The following NNT variants were observed in gnomAD, a reference collection of about 807,000 sequenced individuals.
The protein encoded by NNT is nicotinamide nucleotide transhydrogenase.
In NNT, 50 loss-of-function variants were observed where a neutral mutation model predicts 104.8. The observed-to-expected ratio is 0.48, with a 90% CI of 0.38 to 0.60. The LOEUF (loss-of-function observed/expected upper bound fraction) is 0.60. NNT is among the 20% of genes least tolerant of loss of function. The pLI, the probability that NNT is intolerant of heterozygous loss-of-function variation, is 0.00. For missense variants in NNT, 1,131 were observed against 1,330.7 expected (o/e 0.85, Z 2.33); for synonymous variants, 461 against 490.4 (o/e 0.94, Z 0.79).
At chr5:43,704,158 G>A in intron 21 of NNT, 97 bp from the exon 22 acceptor site, 1 of 1,034,782 alleles carries the variant, frequency 9.7e-7, no homozygotes, top group East Asian at 2.7e-5. Context: ...AGTGGTACAT[G>A]CCTTGTTCAA....
intron 5 of NNT, among the ~76,000 whole-genome samples, chr5:43,620,723 G>A (rs1286614422): frequency 2.6e-5 from 4 of 152,300 alleles, no homozygotes; most frequent in Admixed American, 6.5e-5. Flanking sequence ...CAACACAGAC[G>A]TGAGATGTAA....
intron 4 of NNT, among the ~76,000 whole-genome samples, chr5:43,617,915 G>A (rs1485963388): frequency 6.6e-6 from 1 of 152,018 alleles, no homozygotes; most frequent in Non-Finnish European, 1.5e-5. Flanking sequence ...ATATGTTTTT[G>A]CATCAATTAT....
At chr5:43,690,926 A>C (rs1580121843) in intron 19 of NNT, among the ~76,000 whole-genome samples, 1 of 152,286 alleles carries the variant, frequency 6.6e-6, no homozygotes, top group South Asian at 2.1e-4. Flanking sequence ...TTTAGTAAAA[A>C]AGATTTTAAA....
intron 7 of NNT, among the ~76,000 whole-genome samples, chr5:43,631,535 T>C (rs1750677520): frequency 6.6e-6 from 1 of 152,128 alleles, no homozygotes; most frequent in African/African-American, 2.4e-5. Flanking sequence ...GCTAAAACAT[T>C]TACTCATGGA....
chr5:43,653,326 A>G, intron 14 of NNT, 113 bp downstream of exon 14: 1 of 1,032,636 alleles, frequency 9.7e-7, no homozygotes, highest in African/African-American at 1.6e-5. Context: ...GCTTCAGTTA[A>G]TATTATTTTG....
intron 19 of NNT, among the ~76,000 whole-genome samples, chr5:43,684,181 G>A (rs1741863711): frequency 6.7e-6 from 1 of 150,276 alleles, no homozygotes. Context: ...TAGAAAAATT[G>A]TTCCCCTGAG....
intron 19 of NNT, among the ~76,000 whole-genome samples, chr5:43,695,760 T>C (rs1742524822): frequency 6.6e-6 from 1 of 152,168 alleles, no homozygotes. Flanking sequence ...TGGGAAGGCC[T>C]CACAATCAAT....
At chr5:43,648,813 T>C (rs571121854) in intron 10 of NNT, among the ~76,000 whole-genome samples, 3 of 152,326 alleles carry the variant, frequency 2.0e-5, no homozygotes, top group South Asian at 2.1e-4. Context: ...AAAATGCTTA[T>C]ATAAACACAT....
At chr5:43,635,934 AT>A (rs1230417110) in intron 7 of NNT, among the ~76,000 whole-genome samples, 2 of 152,162 alleles carry the variant, frequency 1.3e-5, no homozygotes, top group East Asian at 3.9e-4. Context: ...CCCATAACAA[AT>A]GTAGATTTTT....
intron 4 of NNT, among the ~76,000 whole-genome samples, chr5:43,616,672 G>C (rs1007970925): frequency 3.3e-5 from 5 of 152,118 alleles, no homozygotes; most frequent in Non-Finnish European, 7.3e-5. Flanking sequence ...TGATTGCCTG[G>C]AGTACTATGT....
At chr5:43,678,569 A>T (rs1741543949) in intron 19 of NNT, among the ~76,000 whole-genome samples, 1 of 152,220 alleles carries the variant, frequency 6.6e-6, no homozygotes, top group Admixed American at 6.5e-5. Flanking sequence ...CAAGCGAAGC[A>T]TTTTAACTAC....
At chr5:43,651,987 C>A in intron 13 of NNT, 103 bp downstream of exon 13, 2 of 1,230,672 alleles carry the variant, frequency 1.6e-6, no homozygotes, top group South Asian at 1.5e-5. Flanking sequence ...GCAAATACAA[C>A]TCTGTCAAGC....
intron 6 of NNT, among the ~76,000 whole-genome samples, chr5:43,626,027 T>G (rs1750342675): frequency 6.6e-6 from 1 of 152,134 alleles, no homozygotes; most frequent in South Asian, 2.1e-4. Context: ...GTACAGCAAT[T>G]TATTTAACTA....
intron 18 of NNT, among the ~76,000 whole-genome samples, chr5:43,677,137 C>T (rs1741455482): frequency 6.6e-6 from 1 of 151,904 alleles, no homozygotes; most frequent in Non-Finnish European, 1.5e-5. Context: ...GGGACAAGAG[C>T]CATGTTATAC....
chr5:43,638,438 G>T (rs2111778938), intron 7 of NNT, among the ~76,000 whole-genome samples: 1 of 152,162 alleles, frequency 6.6e-6, no homozygotes, highest in South Asian at 2.1e-4. Context: ...TTATAATGAA[G>T]GTTCTTACTG....
intron 11 of NNT, 85 bp from the exon 12 acceptor site, chr5:43,650,392 T>C (rs1454872446): frequency 1.1e-6 from 1 of 919,178 alleles, no homozygotes; most frequent in African/African-American, 1.6e-5. Flanking sequence ...CCTCTATGAA[T>C]CTATGTATGT....
intron 20 of NNT, among the ~76,000 whole-genome samples, chr5:43,700,516 C>A (rs1360215748): frequency 6.6e-6 from 1 of 152,146 alleles, no homozygotes; most frequent in Admixed American, 6.5e-5. Flanking sequence ...GACTGGGGAT[C>A]TGGGCAGACC....
In NNT at chr5:43,650,583, T is replaced by C. The variant is rs1167613449; in HGVS notation, c.1713T>C (p.Ile571=). The C allele has an allele frequency of 2.5e-6, 4 of 1,609,912 alleles. No individual in the cohort carries two copies. In the African/African-American group the frequency reaches 5.3e-5, roughly 22 times the overall value. ...ALAAFISSVN[I]AGGFLVTQRM... is the part of the protein sequence containing the mutation. Reference sequence around the variant, plus strand: ...CTGCATTCATATCCTCTGTCAACATTGCAGGTATGATGTCAGTGAAAGGTC... The same window carrying C: ...CTGCATTCATATCCTCTGTCAACATCGCAGGTATGATGTCAGTGAAAGGTC... Residue 571 remains isoleucine (I), a synonymous_variant, in exon 12 of 22, where the codon ATT becomes ATC. Coordinates refer to ENST00000344920, the MANE Select transcript of NNT (RefSeq NM_182977.3).
At chr5:43,622,598 G>A (rs926510810) in intron 5 of NNT, among the ~76,000 whole-genome samples, 12 of 152,124 alleles carry the variant, frequency 7.9e-5, no homozygotes, top group African/African-American at 2.9e-4. Flanking sequence ...TGCCTACGGT[G>A]TAACAGTTAG....
Sources: allele counts gnomAD v4.1 joint callset (sites outside exome capture counted in the v4.1 genomes callset), GRCh38; gene constraint gnomAD v4.1.1; transcripts MANE v1.5; gene names NCBI Gene and HGNC (gene_info 2026-07-23, HGNC 2026-07-21).